PCDHA1: variants seen among roughly 807,000 people sequenced by gnomAD.
The protein encoded by PCDHA1 is protocadherin alpha 1, also known as protocadherin alpha-1.
PCDHA1 carries 42 observed loss-of-function variants against 61.3 expected under a neutral mutation model. The observed-to-expected ratio is 0.69, with a 90% CI of 0.54 to 0.89. PCDHA1 has a LOEUF of 0.89. Among genes scored for constraint, PCDHA1 ranks in the 40% least tolerant of loss-of-function variants. The pLI is 0.00. For synonymous variants in PCDHA1, 610 were observed against 553.8 expected, an observed-to-expected ratio of 1.10 and a Z score of -1.43; for missense variants, 1,256 against 1,235.3, an observed-to-expected ratio of 1.02 and a Z score of -0.25.
chr5:140,973,586 C>A (rs1207651483), intron 1 of PCDHA1, among the ~76,000 whole-genome samples: 1 of 152,176 alleles, frequency 6.6e-6, no homozygotes, highest in Non-Finnish European at 1.5e-5. Flanking sequence ...GACTGCTGAG[C>A]CAGATGGAAT....
chr5:140,827,747 C>T lies in PCDHA1; in HGVS notation c.2394+39063C>T, dbSNP rs1323675103. On this transcript the variant is annotated intron_variant, in intron 1 of 3. Transcript: ENST00000504120. The stretch of plus-strand genomic sequence containing the variant: ...TTGTTTAGCTGTGAATAATTAGATC[C>T]CTTACTTTAAATTAATAAAAGAAGT... 2.0e-5 allele frequency among the ~76,000 whole-genome samples: 3 copies of T among 152,240 alleles called. No individual in the cohort carries two copies. In the East Asian group the frequency reaches 5.8e-4, roughly 29 times the overall value.
chr5:140,827,166 C>T (rs1377464417), intron 1 of PCDHA1, among the ~76,000 whole-genome samples: 2 of 151,954 alleles, frequency 1.3e-5, no homozygotes, highest in Non-Finnish European at 2.9e-5. Context: ...TTTGTAAATA[C>T]CTCAATAAAA....
intron 1 of PCDHA1, among the ~76,000 whole-genome samples, chr5:140,942,906 G>C (rs1454697434): frequency 6.6e-6 from 1 of 151,800 alleles, no homozygotes; most frequent in African/African-American, 2.4e-5. Context: ...CTAAGAATAA[G>C]CGTGAAGAAA....
chr5:140,942,615 A>G (rs1310858123), intron 1 of PCDHA1, among the ~76,000 whole-genome samples: 1 of 101,274 alleles, frequency 9.9e-6, no homozygotes, highest in African/African-American at 4.7e-5. Context: ...ATATTTGCCA[A>G]TTGTAAAAAA....
At chr5:140,976,724 T>C (rs372662527) in intron 1 of PCDHA1, among the ~76,000 whole-genome samples, 6 of 152,202 alleles carry the variant, frequency 3.9e-5, no homozygotes, top group African/African-American at 1.4e-4. Flanking sequence ...AGTTCATTTA[T>C]TTAAACACAT....
chr5:140,833,179 G>A (rs928347111), intron 1 of PCDHA1, among the ~76,000 whole-genome samples: 1 of 152,198 alleles, frequency 6.6e-6, no homozygotes, highest in African/African-American at 2.4e-5. Context: ...GAAGATGACT[G>A]CAAGGATTAA....
At chr5:140,841,702 T>C in intron 1 of PCDHA1, 2 of 1,613,896 alleles carry the variant, frequency 1.2e-6, no homozygotes, top group African/African-American at 1.3e-5. Context: ...AGGATGTTAA[T>C]GACAACCCGC....
chr5:140,935,526 T>C (rs558710371), intron 1 of PCDHA1, among the ~76,000 whole-genome samples: 3 of 152,232 alleles, frequency 2.0e-5, no homozygotes, highest in Non-Finnish European at 4.4e-5. Flanking sequence ...GCATGTACAG[T>C]CAAATTATTG....
At chr5:140,970,650 ATTG>A (rs2096422935) in intron 1 of PCDHA1, among the ~76,000 whole-genome samples, 1 of 152,200 alleles carries the variant, frequency 6.6e-6, no homozygotes, top group South Asian at 2.1e-4. Flanking sequence ...ATAGTGATGA[ATTG>A]TTATCTTTCC....
intron 1 of PCDHA1, 174 bp downstream of exon 1, chr5:140,788,858 G>A: frequency 1.5e-6 from 2 of 1,363,128 alleles, no homozygotes; most frequent in Non-Finnish European, 1.9e-6. Context: ...AATGGAACTA[G>A]AAAGCAAAGA....
At chr5:140,843,392 G>A in intron 1 of PCDHA1, 1 of 1,596,106 alleles carries the variant, frequency 6.3e-7, no homozygotes, top group Non-Finnish European at 8.6e-7. Flanking sequence ...GGGTCCGGAA[G>A]CGGCGCTGGT....
At chr5:140,801,011 G>T in intron 1 of PCDHA1, 3 of 1,409,454 alleles carry the variant, frequency 2.1e-6, no homozygotes, top group African/African-American at 2.9e-5. Flanking sequence ...ACATGATGTC[G>T]CTGTCCACCA....
At chr5:140,805,192 G>A in intron 1 of PCDHA1, 1 of 1,461,762 alleles carries the variant, frequency 6.8e-7, no homozygotes. Context: ...AATAAATATT[G>A]AATAGCTACC....
chr5:140,923,339 A>C (rs1341190939), intron 1 of PCDHA1, among the ~76,000 whole-genome samples: 2 of 152,154 alleles, frequency 1.3e-5, no homozygotes, highest in Non-Finnish European at 2.9e-5. Context: ...CAGTTTGGGC[A>C]ACATAGTGGG....
At chr5:140,875,375 A>C in intron 1 of PCDHA1, 2 of 1,456,838 alleles carry the variant, frequency 1.4e-6, no homozygotes, top group East Asian at 5.0e-5. Flanking sequence ...AATTTACTAA[A>C]TATGTACTTA....
rs1040745756 is a variant in PCDHA1 at position 140,822,281 on chromosome 5, A to G, written c.2394+33597A>G. 27 of 1,614,142 alleles carry G rather than the reference A, an allele frequency of 1.7e-5. No homozygotes were observed. The highest frequency in any genetic ancestry group is 4.5e-5 in the East Asian group (2 of 44,900). On this transcript the variant is annotated intron_variant, in intron 1 of 3. Coordinates refer to ENST00000504120, the MANE Select transcript of PCDHA1 (RefSeq NM_018900.4). ...ATTGGAGCAAATGCACAATTGAGAT[A>G]CAGGTTAAATCCAAACGAATATTTT...
Position 140,856,487 on chromosome 5 carries a change from C to G in PCDHA1, c.2394+67803C>G, listed in dbSNP as rs1171656977. Reference sequence around the variant, plus strand: ...GCTCTCAATACCTGAATCCAGACTGCTTGACTCTCGATTTCCACTAGAAGG... The same window carrying G: ...GCTCTCAATACCTGAATCCAGACTGGTTGACTCTCGATTTCCACTAGAAGG... On this transcript the variant is annotated intron_variant, in intron 1 of 3. Coordinates refer to ENST00000504120, the MANE Select transcript of PCDHA1 (RefSeq NM_018900.4). 4 of 1,598,200 alleles carry G rather than the reference C, an allele frequency of 2.5e-6. No homozygotes were observed. The African/African-American group carries it at 5.4e-5, about 22-fold the overall frequency.
At chr5:140,930,245 C>T (rs1355884137) in intron 1 of PCDHA1, 2 of 152,164 alleles carry the variant, frequency 1.3e-5, no homozygotes, top group African/African-American at 4.8e-5. Flanking sequence ...AAAGTCCATT[C>T]AACTTGGATT....
At chr5:140,788,971 A>G (rs1172633148) in intron 1 of PCDHA1, 1 of 479,202 alleles carries the variant, frequency 2.1e-6, no homozygotes, top group Non-Finnish European at 3.4e-6. Flanking sequence ...ATTTAACACA[A>G]TATCTCAATG....
Sources: gnomAD v4.1 joint callset for allele counts (sites outside exome capture counted in the v4.1 genomes callset) on GRCh38, gnomAD v4.1.1 for gene constraint, MANE v1.5 for transcripts, NCBI Gene and HGNC (gene_info 2026-07-23, HGNC 2026-07-21) for gene names.